RGS7: variants seen among roughly 807,000 people sequenced by gnomAD.
RGS7 encodes regulator of G-protein signaling 7.
A neutral mutation model predicts 81.1 loss-of-function variants in RGS7; 27 were observed. That is an observed-to-expected ratio of 0.33 (90% CI 0.25 to 0.46). The LOEUF (loss-of-function observed/expected upper bound fraction) is 0.46. RGS7 is among the 20% of genes least tolerant of loss of function. The pLI is 1.00. For synonymous variants in RGS7, 208 were observed against 207.7 expected (o/e 1.00, Z -0.01); for missense variants, 396 against 607.4 (o/e 0.65, Z 3.66).
chr1:241,207,093 C>T (rs1481576564), intron 2 of RGS7, among the ~76,000 whole-genome samples: 3 of 150,516 alleles, frequency 2.0e-5, no homozygotes, highest in Admixed American at 6.6e-5. Flanking sequence ...CTCAGCCTCC[C>T]GAGTAGCTGG....
At chr1:240,779,536 T>TGAACCAGGAGGGGG (rs1309940528) in intron 18 of RGS7, among the ~76,000 whole-genome samples, 1 of 152,158 alleles carries the variant, frequency 6.6e-6, no homozygotes, top group African/African-American at 2.4e-5. Flanking sequence ...TGGCTGTCTA[T>TGAACCAGGAGGGGG]GAACCAGGAA....
At chr1:241,339,224 C>T (rs1304171124) in intron 2 of RGS7, among the ~76,000 whole-genome samples, 1 of 152,166 alleles carries the variant, frequency 6.6e-6, no homozygotes, top group Non-Finnish European at 1.5e-5. Flanking sequence ...GATCTCTTTC[C>T]TTTTTAAGGC....
chr1:241,090,782 A>G (rs1279737822), intron 3 of RGS7, among the ~76,000 whole-genome samples: 1 of 152,220 alleles, frequency 6.6e-6, no homozygotes, highest in African/African-American at 2.4e-5. Context: ...GTTACTCAGG[A>G]TCACACTGCT....
intron 2 of RGS7, among the ~76,000 whole-genome samples, chr1:241,329,818 T>C (rs1023371923): frequency 6.6e-6 from 1 of 152,228 alleles, no homozygotes; most frequent in Admixed American, 6.5e-5. Context: ...GGATGGATCA[T>C]AGATATAAAA....
intron 2 of RGS7, among the ~76,000 whole-genome samples, chr1:241,226,860 G>A (rs2075337359): frequency 6.6e-6 from 1 of 152,152 alleles, no homozygotes; most frequent in South Asian, 2.1e-4. Flanking sequence ...TTTAAATTCT[G>A]AAGTCTGAAG....
intron 18 of RGS7, among the ~76,000 whole-genome samples, chr1:240,776,579 G>T (rs1161196453): frequency 6.6e-6 from 1 of 152,138 alleles, no homozygotes; most frequent in Non-Finnish European, 1.5e-5. Context: ...TTATAAACAT[G>T]TTACAACAAA....
At chr1:240,784,515 G>T (rs930644994) in intron 18 of RGS7, among the ~76,000 whole-genome samples, 1 of 148,472 alleles carries the variant, frequency 6.7e-6, no homozygotes, top group African/African-American at 2.5e-5. Flanking sequence ...GCGTGGTGGC[G>T]GGCGCCTGTA....
chr1:241,117,950 C>T (rs1043154293), intron 2 of RGS7, among the ~76,000 whole-genome samples: 11 of 152,122 alleles, frequency 7.2e-5, no homozygotes, highest in African/African-American at 1.9e-4. Flanking sequence ...ATCTGTAAAA[C>T]TTTTGATAGC....
At chr1:240,893,608 A>G (rs1199118512) in intron 6 of RGS7, among the ~76,000 whole-genome samples, 1 of 152,110 alleles carries the variant, frequency 6.6e-6, no homozygotes, top group Admixed American at 6.6e-5. Context: ...CTGCATTAAA[A>G]AAAAACAAAA....
intron 2 of RGS7, among the ~76,000 whole-genome samples, chr1:241,153,555 C>T (rs1294611283): frequency 6.6e-6 from 1 of 152,236 alleles, no homozygotes; most frequent in Non-Finnish European, 1.5e-5. Context: ...AAAGACATTC[C>T]CCAACAGAGG....
intron 4 of RGS7, among the ~76,000 whole-genome samples, chr1:240,942,334 T>G (rs916596870): frequency 6.6e-6 from 1 of 152,128 alleles, no homozygotes; most frequent in African/African-American, 2.4e-5. Flanking sequence ...TGTAAAGTAC[T>G]CTATATTTAC....
chr1:240,985,184 T>C (rs899826212), intron 3 of RGS7, among the ~76,000 whole-genome samples: 4 of 152,246 alleles, frequency 2.6e-5, no homozygotes, highest in African/African-American at 9.6e-5. Flanking sequence ...ATACATGTAG[T>C]GATCCTTGAC....
intron 4 of RGS7, among the ~76,000 whole-genome samples, chr1:240,966,370 A>G (rs1682298832): frequency 6.6e-6 from 1 of 152,182 alleles, no homozygotes; most frequent in Non-Finnish European, 1.5e-5. Flanking sequence ...TTTAGAGATA[A>G]ATTTCCAGCA....
intron 3 of RGS7, among the ~76,000 whole-genome samples, chr1:241,028,850 C>T (rs375324304): frequency 1.4e-4 from 22 of 152,192 alleles, no homozygotes; most frequent in Admixed American, 7.9e-4. Context: ...AAAACCGATG[C>T]GACGATGACT....
intron 2 of RGS7, among the ~76,000 whole-genome samples, chr1:241,107,311 A>C (rs142940643): frequency 6.6e-6 from 1 of 152,254 alleles, no homozygotes; most frequent in Non-Finnish European, 1.5e-5. Flanking sequence ...TGGAACTTTA[A>C]ATTATTTGAG....
intron 4 of RGS7, among the ~76,000 whole-genome samples, chr1:240,950,104 C>T (rs1314026323): frequency 6.6e-6 from 1 of 152,084 alleles, no homozygotes; most frequent in Non-Finnish European, 1.5e-5. Context: ...CATAAACTGA[C>T]AGAAACATGA....
At chr1:241,048,618 T>C (rs989671879) in intron 3 of RGS7, among the ~76,000 whole-genome samples, 5 of 152,242 alleles carry the variant, frequency 3.3e-5, no homozygotes, top group Non-Finnish European at 2.9e-5. Flanking sequence ...AGGGCTGCGA[T>C]GTTCTCACCA....
At chr1:240,963,795 G>GAGAA (rs1350984806) in intron 4 of RGS7, among the ~76,000 whole-genome samples, 60 of 152,348 alleles carry the variant, frequency 3.9e-4, no homozygotes, top group African/African-American at 1.4e-3. Flanking sequence ...TATGATGGGA[G>GAGAA]AGAACTGTGG....
intron 4 of RGS7, among the ~76,000 whole-genome samples, chr1:240,971,711 C>T (rs1341790824): frequency 6.6e-6 from 1 of 152,186 alleles, no homozygotes; most frequent in Non-Finnish European, 1.5e-5. Context: ...TGGCTCCAAA[C>T]TATGACTTCT....
Sources: allele counts gnomAD v4.1 joint callset (sites outside exome capture counted in the v4.1 genomes callset), GRCh38; gene constraint gnomAD v4.1.1; transcripts MANE v1.5; gene names NCBI Gene and HGNC (gene_info 2026-07-23, HGNC 2026-07-21).